Variants in BCKDHB observed in about 807,000 individuals in gnomAD.
The protein encoded by BCKDHB is 2-oxoisovalerate dehydrogenase subunit beta, mitochondrial.
Under a neutral mutation model 48.5 loss-of-function variants are expected in BCKDHB, and 41 were observed. That is an observed-to-expected ratio of 0.85 (90% confidence interval 0.66 to 1.10). The LOEUF (loss-of-function observed/expected upper bound fraction) is 1.10, where lower values mean the gene tolerates loss of function less well. BCKDHB is among the 50% of genes least tolerant of loss of function. BCKDHB has a pLI of 0.00. For missense variants in BCKDHB, 496 were observed against 494.2 expected (o/e 1.00, Z -0.03); for synonymous variants, 201 against 174.8 (o/e 1.15, Z -1.18).
chr6:80,448,136 C>T, the BCKDHB span, among the ~76,000 whole-genome samples: 1 of 152,034 alleles, frequency 6.6e-6, no homozygotes, highest in African/African-American at 2.4e-5. Flanking sequence ...GTGGTACAGA[C>T]ACACCAGCAT....
At chr6:80,398,744 G>A in the BCKDHB span, among the ~76,000 whole-genome samples, 9 of 150,260 alleles carry the variant, frequency 6.0e-5, no homozygotes, top group Non-Finnish European at 1.2e-4. Context: ...CATTCTATGA[G>A]GCCAGAATTA....
the BCKDHB span, among the ~76,000 whole-genome samples, chr6:80,385,787 C>T: frequency 0.29 from 43,327 of 151,946 alleles, 7,630 homozygotes; most frequent in East Asian, 0.54. Context: ...ACCGAGTTTT[C>T]GAATTTATAT....
chr6:80,261,663 G>A (rs1036275820), intron 8 of BCKDHB, among the ~76,000 whole-genome samples: 4 of 151,888 alleles, frequency 2.6e-5, no homozygotes, highest in Non-Finnish European at 1.5e-5. Context: ...AGACTTTCAC[G>A]TTTCATCTGT....
the BCKDHB span, among the ~76,000 whole-genome samples, chr6:80,375,917 G>A: frequency 6.6e-6 from 1 of 152,150 alleles, no homozygotes; most frequent in African/African-American, 2.4e-5. Flanking sequence ...TTTATTACGT[G>A]TGTTGGTTTT....
chr6:80,170,369 AT>A (rs1772846974), intron 5 of BCKDHB, among the ~76,000 whole-genome samples: 2 of 152,178 alleles, frequency 1.3e-5, no homozygotes, highest in Middle Eastern at 3.2e-3. Context: ...TTCCTATATA[AT>A]ATTTGTCTTT....
intron 8 of BCKDHB, among the ~76,000 whole-genome samples, chr6:80,258,749 T>TAA (rs75982957): frequency 3.6e-5 from 5 of 140,040 alleles, no homozygotes; most frequent in African/African-American, 1.3e-4. Context: ...TGAGAGTTAG[T>TAA]AAAAAAAAAA....
At chr6:80,247,744 C>T (rs956990017) in intron 8 of BCKDHB, among the ~76,000 whole-genome samples, 6 of 152,156 alleles carry the variant, frequency 3.9e-5, no homozygotes, top group Admixed American at 1.3e-4. Flanking sequence ...CTTGAGGTGA[C>T]CCCTGTTCAG....
In BCKDHB at chr6:80,106,744, A is replaced by T; in HGVS notation, c.51A>T (p.Ala17=). 6.4e-7 allele frequency: 1 copy of T among 1,567,308 alleles called. No individual in the cohort carries two copies. The highest frequency in any genetic ancestry group is 8.6e-7 in the Non-Finnish European group (1 of 1,157,260). ...AAGWLLRLRA[A]GAEGHWRRLP... is the part of the protein sequence containing the mutation. ...GCTGGCTACTCAGGCTCAGGGCGGC[A>T]GGGGCTGAGGGGCACTGGCGTCGGC... The change falls in exon 1 of 10, where the codon GCA becomes GCT. Residue 17 remains alanine (A), a synonymous_variant. Transcript: ENST00000320393.
At chr6:80,401,792 A>G in the BCKDHB span, among the ~76,000 whole-genome samples, 1 of 151,800 alleles carries the variant, frequency 6.6e-6, no homozygotes, top group Admixed American at 6.6e-5. Context: ...TGTGAGTTTG[A>G]ATATTTTAGA....
intron 9 of BCKDHB, among the ~76,000 whole-genome samples, chr6:80,308,624 T>C (rs186978421): frequency 6.7e-6 from 1 of 149,490 alleles, no homozygotes; most frequent in African/African-American, 2.5e-5. Flanking sequence ...AGACGGAGTC[T>C]CGCTCTGTCG....
chr6:80,233,209 A>C (rs1237765907), intron 8 of BCKDHB, among the ~76,000 whole-genome samples: 2 of 152,072 alleles, frequency 1.3e-5, no homozygotes, highest in African/African-American at 4.8e-5. Flanking sequence ...AAAATGTCCT[A>C]ATTCCAGGAA....
At position 80,322,733 on chromosome 6, in the gene BCKDHB, C is replaced by G. The variant is rs540248178; in HGVS notation, c.1039-20931C>G. On this transcript the variant is annotated intron_variant, in intron 9 of 9. Transcript: ENST00000320393. ...AGAATAGTATAAAATTTTAATTCCT[C>G]CATCGTCACCAATAAACATTTATGG... is the stretch of plus-strand genomic sequence containing the variant. 3.0e-4 allele frequency among the ~76,000 whole-genome samples: 46 copies of G among 152,202 alleles called. No homozygotes were observed. In the East Asian group the frequency reaches 7.0e-3, roughly 23 times the overall value.
chr6:80,408,339 G>C, the BCKDHB span, among the ~76,000 whole-genome samples: 1 of 152,106 alleles, frequency 6.6e-6, no homozygotes, highest in Non-Finnish European at 1.5e-5. Context: ...TGTCTGCCAG[G>C]CTTTGGTAGA....
chr6:80,311,432 G>C (rs1360838438), intron 9 of BCKDHB, among the ~76,000 whole-genome samples: 9 of 152,128 alleles, frequency 5.9e-5, no homozygotes, highest in Non-Finnish European at 1.3e-4. Context: ...CTGTGAAGAA[G>C]CTCTTAATTA....
At chr6:80,378,147 G>A in the BCKDHB span, among the ~76,000 whole-genome samples, 16 of 151,820 alleles carry the variant, frequency 1.1e-4, no homozygotes, top group African/African-American at 3.9e-4. Context: ...TTGTTACATG[G>A]GTACTATGTG....
chr6:80,108,260 C>T (rs1417819336), intron 1 of BCKDHB, among the ~76,000 whole-genome samples: 2 of 150,030 alleles, frequency 1.3e-5, no homozygotes, highest in Non-Finnish European at 3.0e-5. Context: ...ACTTGGAGGG[C>T]GTCCCAGTAT....
the BCKDHB span, among the ~76,000 whole-genome samples, chr6:80,367,028 C>T: frequency 6.6e-6 from 1 of 152,302 alleles, no homozygotes; most frequent in South Asian, 2.1e-4. Context: ...CTCTTAAACA[C>T]TTATCCTGTG....
At chr6:80,228,872 G>A (rs752112678) in intron 8 of BCKDHB, among the ~76,000 whole-genome samples, 12 of 152,104 alleles carry the variant, frequency 7.9e-5, no homozygotes, top group Non-Finnish European at 1.8e-4. Context: ...GTATAGCAGT[G>A]GAGAGATCCA....
the BCKDHB span, among the ~76,000 whole-genome samples, chr6:80,432,848 T>G: frequency 6.6e-6 from 1 of 152,178 alleles, no homozygotes; most frequent in South Asian, 2.1e-4. Context: ...GTTAGTGACC[T>G]ATGGATGGGG....
Sources: allele counts gnomAD v4.1 joint callset (sites outside exome capture counted in the v4.1 genomes callset), GRCh38; gene constraint gnomAD v4.1.1; transcripts MANE v1.5; gene names NCBI Gene and HGNC (gene_info 2026-07-23, HGNC 2026-07-21).